HHLA1: variants seen among roughly 807,000 people sequenced by gnomAD.
HHLA1 encodes the protein HHLA1 neighbor of OC90.
In HHLA1, 72 loss-of-function variants were observed where a neutral mutation model predicts 69.9. The observed-to-expected ratio is 1.03, with a 90% CI of 0.85 to 1.25. HHLA1 has a LOEUF of 1.25. HHLA1 is among the 50% of genes most tolerant of loss of function. The probability of loss-of-function intolerance (pLI) is 0.00; values close to 1 mark genes in which losing one functional copy is unlikely to be tolerated. For synonymous variants in HHLA1, 252 were observed against 233.2 expected, an observed-to-expected ratio of 1.08 and a Z score of -0.73; for missense variants, 685 against 642.2, an observed-to-expected ratio of 1.07 and a Z score of -0.72.
intron 14 of HHLA1, among the ~76,000 whole-genome samples, 162 bp from the exon 15 acceptor site, chr8:132,071,655 C>A (rs1823547549): frequency 6.6e-6 from 1 of 152,158 alleles, no homozygotes; most frequent in African/African-American, 2.4e-5. Context: ...AATAAAGCTA[C>A]TGTAACAGTT....
intron 16 of HHLA1, among the ~76,000 whole-genome samples, chr8:132,064,955 C>G (rs1295792109): frequency 1.3e-5 from 2 of 152,032 alleles, no homozygotes; most frequent in Admixed American, 6.5e-5. Context: ...AAGACTGAGC[C>G]CTGTGAGCAC....
At chr8:132,086,415 C>A (rs928713293) in intron 10 of HHLA1, among the ~76,000 whole-genome samples, 11 of 152,216 alleles carry the variant, frequency 7.2e-5, no homozygotes, top group African/African-American at 2.4e-4. Flanking sequence ...CCCATTAACA[C>A]CCTGCGTGCA....
intron 1 of HHLA1, among the ~76,000 whole-genome samples, chr8:132,110,130 C>T (rs1474351120): frequency 6.6e-6 from 1 of 152,204 alleles, no homozygotes; most frequent in Non-Finnish European, 1.5e-5. Context: ...CTGAACTCTG[C>T]AGCCAAAAGG....
chr8:132,093,717 C>T (rs1224046225), intron 7 of HHLA1, among the ~76,000 whole-genome samples: 1 of 152,172 alleles, frequency 6.6e-6, no homozygotes, highest in Non-Finnish European at 1.5e-5. Context: ...TTTCTCCAGG[C>T]AGATTTAACT....
Position 132,079,976 on chromosome 8 carries a change from G to C in HHLA1, c.677-10C>G, listed in dbSNP as rs1288263624. ...CCCCTGGTAGCTGCACCTTCAGGGA[G>C]GCAGTCAATGGTAACATTAACATGC... On this transcript the variant is annotated splice_polypyrimidine_tract_variant and intron_variant, in intron 10 of 16. Coordinates refer to ENST00000414222, the MANE Select transcript of HHLA1 (RefSeq NM_001145095.3). 2.4e-5 allele frequency: 38 copies of C among 1,552,166 alleles called. No individual in the cohort carries two copies. The highest frequency in any genetic ancestry group is 3.3e-5 in the Non-Finnish European group (38 of 1,147,126).
intron 10 of HHLA1, among the ~76,000 whole-genome samples, chr8:132,083,810 G>A (rs910753555): frequency 6.6e-6 from 1 of 152,150 alleles, no homozygotes; most frequent in African/African-American, 2.4e-5. Flanking sequence ...CACAGTGGAG[G>A]CAAGGAATTG....
intron 10 of HHLA1, among the ~76,000 whole-genome samples, chr8:132,081,762 C>G (rs28878199): frequency 6.6e-6 from 1 of 151,920 alleles, no homozygotes; most frequent in Admixed American, 6.6e-5. Context: ...TCCTGGGTGG[C>G]GCAAATCCTC....
chr8:132,066,034 G>A (rs923331198), intron 15 of HHLA1, 66 bp from the exon 16 acceptor site: 1 of 642,344 alleles, frequency 1.6e-6, no homozygotes. Flanking sequence ...GACAGCCAGA[G>A]TTTTAAAGGT....
At chr8:132,084,213 G>C (rs978132796) in intron 10 of HHLA1, among the ~76,000 whole-genome samples, 1 of 152,092 alleles carries the variant, frequency 6.6e-6, no homozygotes, top group African/African-American at 2.4e-5. Flanking sequence ...GGTGTGAGGA[G>C]GGGAGGTGAT....
chr8:132,098,040 C>T (rs1824051020), intron 5 of HHLA1, among the ~76,000 whole-genome samples: 1 of 152,196 alleles, frequency 6.6e-6, no homozygotes, highest in Non-Finnish European at 1.5e-5. Flanking sequence ...AGAATGGAAG[C>T]TCTCCCAGGC....
At chr8:132,098,159 G>A (rs777343612) in intron 5 of HHLA1, among the ~76,000 whole-genome samples, 22 of 152,192 alleles carry the variant, frequency 1.4e-4, no homozygotes, top group Non-Finnish European at 2.8e-4. Context: ...AGAATAAATA[G>A]TGAAGGCAGT....
intron 15 of HHLA1, among the ~76,000 whole-genome samples, chr8:132,067,664 G>A (rs760280277): frequency 2.2e-4 from 34 of 152,256 alleles, no homozygotes; most frequent in Non-Finnish European, 3.2e-4. Flanking sequence ...ACCACAAAGC[G>A]CAGCGTTCCA....
intron 10 of HHLA1, chr8:132,085,577 A>C (rs748088049): frequency 5.2e-4 from 123 of 234,288 alleles, no homozygotes; most frequent in Non-Finnish European, 7.8e-4. Flanking sequence ...TGAAGAGACC[A>C]CCAAACAGGC....
At chr8:132,109,353 T>C (rs1280298864) in intron 1 of HHLA1, among the ~76,000 whole-genome samples, 4 of 152,180 alleles carry the variant, frequency 2.6e-5, no homozygotes, top group Non-Finnish European at 4.4e-5. Flanking sequence ...CCAAAGTGCT[T>C]GGATTGCAGG....
intron 15 of HHLA1, 52 bp downstream of exon 15, chr8:132,071,288 A>G (rs1233926940): frequency 3.3e-6 from 5 of 1,498,626 alleles, no homozygotes; most frequent in Non-Finnish European, 4.5e-6. Context: ...GCCACACGGA[A>G]TAAGAAAGCT....
chr8:132,099,875 A>G (rs1824086031), intron 4 of HHLA1, among the ~76,000 whole-genome samples, 200 bp downstream of exon 4: 1 of 152,088 alleles, frequency 6.6e-6, no homozygotes. Flanking sequence ...AAGATTTGGA[A>G]ACAACAGTTG....
At chr8:132,102,010 C>T (rs975027629) in intron 3 of HHLA1, among the ~76,000 whole-genome samples, 7 of 152,356 alleles carry the variant, frequency 4.6e-5, no homozygotes, top group Non-Finnish European at 1.0e-4. Context: ...ATTTCCCTCT[C>T]CTAAGCCCCT....
At chr8:132,099,167 A>G (rs188833923) in intron 4 of HHLA1, among the ~76,000 whole-genome samples, 1 of 152,180 alleles carries the variant, frequency 6.6e-6, no homozygotes. Context: ...ACAAATATAG[A>G]TAAGAGAAAT....
At chr8:132,084,782 C>T (rs1426478486) in intron 10 of HHLA1, among the ~76,000 whole-genome samples, 1 of 150,788 alleles carries the variant, frequency 6.6e-6, no homozygotes, top group Non-Finnish European at 1.5e-5. Context: ...GGTGGTGGTT[C>T]TTGCCCTCCA....
Sources: allele counts gnomAD v4.1 joint callset (sites outside exome capture counted in the v4.1 genomes callset), GRCh38; gene constraint gnomAD v4.1.1; transcripts MANE v1.5; gene names NCBI Gene and HGNC (gene_info 2026-07-23, HGNC 2026-07-21).